USP34: variants seen among roughly 807,000 people sequenced by gnomAD.
USP34 encodes the protein ubiquitin specific peptidase 34, also known as ubiquitin carboxyl-terminal hydrolase 34.
In USP34, 70 loss-of-function variants were observed where a neutral mutation model predicts 460.3. The observed-to-expected ratio is 0.15, with a 90% CI of 0.13 to 0.19. The LOEUF is 0.19. USP34 is among the 10% of genes least tolerant of loss of function. The pLI is 1.00. For missense variants in USP34, 3,985 were observed against 4,236.2 expected (o/e 0.94, Z 1.65); for synonymous variants, 1,647 against 1,405.3 (o/e 1.17, Z -3.85).
At chr2:61,343,117 T>C (rs987285044) in intron 16 of USP34, among the ~76,000 whole-genome samples, 2 of 152,254 alleles carry the variant, frequency 1.3e-5, no homozygotes, top group African/African-American at 4.8e-5. Context: ...TTACTTATAA[T>C]GTACTGGCTA....
chr2:61,433,989 T>G (rs1029671438), intron 1 of USP34, among the ~76,000 whole-genome samples: 5 of 152,106 alleles, frequency 3.3e-5, no homozygotes, highest in Non-Finnish European at 7.4e-5. Flanking sequence ...CAGACCACAC[T>G]TCAAGCCAAA....
chr2:61,269,616 T>C lies in USP34; in HGVS notation c.5434-3449A>G, dbSNP rs143317680. Reference sequence around the variant, plus strand: ...CACAAATTTACAAATTTAAAAAATCTTTGAGGAGACACCTAGGTTTTTCAA... The same window carrying C: ...CACAAATTTACAAATTTAAAAAATCCTTGAGGAGACACCTAGGTTTTTCAA... On this transcript the variant is annotated intron_variant, in intron 41 of 79. Transcript: ENST00000398571. 3.5e-3 allele frequency among the ~76,000 whole-genome samples: 533 copies of C among 152,234 alleles called. 2 individuals are homozygous for C. The highest frequency in any genetic ancestry group is 0.011 in the African/African-American group (440 of 41,544).
intron 16 of USP34, among the ~76,000 whole-genome samples, chr2:61,341,749 G>GTCTT (rs1444711140): frequency 2.8e-5 from 4 of 144,426 alleles, no homozygotes; most frequent in African/African-American, 5.1e-5. Flanking sequence ...CCAGACTCAG[G>GTCTT]TCTTTCTTTT....
At chr2:61,396,634 G>A (rs180945274) in intron 3 of USP34, among the ~76,000 whole-genome samples, 18 of 151,960 alleles carry the variant, frequency 1.2e-4, no homozygotes, top group African/African-American at 3.1e-4. Flanking sequence ...GATTACAGGC[G>A]CCCACCACCA....
intron 29 of USP34, among the ~76,000 whole-genome samples, chr2:61,298,364 CAA>C (rs11417017): frequency 8.3e-5 from 4 of 48,050 alleles, no homozygotes; most frequent in Admixed American, 3.3e-4. Context: ...TACAAAAATA[CAA>C]AAAAAAAAAA....
At chr2:61,273,632 C>T (rs1475960752) in intron 41 of USP34, among the ~76,000 whole-genome samples, 2 of 152,082 alleles carry the variant, frequency 1.3e-5, no homozygotes, top group Non-Finnish European at 2.9e-5. Context: ...GCAGGAGAAT[C>T]GCTTGAACCT....
At position 61,402,243 on chromosome 2, in the gene USP34, G is replaced by A. The variant is rs556609905; in HGVS notation, c.552+3465C>T. Among the ~76,000 whole-genome samples, 28 of 152,220 alleles carry A rather than the reference G, an allele frequency of 1.8e-4. No homozygotes were observed. In the South Asian group the frequency reaches 3.5e-3, roughly 19 times the overall value. On this transcript the variant is annotated intron_variant, in intron 3 of 79. Coordinates refer to ENST00000398571, the MANE Select transcript of USP34 (RefSeq NM_014709.4). ...TATGGTGACCAATGATCACACCACC[G>A]CACTCCAGCCTGGGAGACAGAGCAA... is the stretch of plus-strand genomic sequence containing the variant.
intron 41 of USP34, among the ~76,000 whole-genome samples, chr2:61,271,498 C>T (rs1250963930): frequency 1.3e-5 from 2 of 152,082 alleles, no homozygotes; most frequent in Non-Finnish European, 2.9e-5. Context: ...TGCAATCATC[C>T]ATTTGCTCAA....
At chr2:61,454,238 C>G (rs1485320235) in intron 1 of USP34, among the ~76,000 whole-genome samples, 1 of 152,064 alleles carries the variant, frequency 6.6e-6, no homozygotes, top group Non-Finnish European at 1.5e-5. Flanking sequence ...GATTCTCCTG[C>G]CTCTGCCTCC....
At chr2:61,278,816 C>T (rs369345996) in intron 39 of USP34, among the ~76,000 whole-genome samples, 31 of 151,916 alleles carry the variant, frequency 2.0e-4, no homozygotes, top group South Asian at 6.2e-4. Flanking sequence ...TATTAAGACA[C>T]TGAAGTTTTT....
chr2:61,310,305 A>G (rs993244641), intron 27 of USP34, among the ~76,000 whole-genome samples: 1 of 152,190 alleles, frequency 6.6e-6, no homozygotes, highest in African/African-American at 2.4e-5. Flanking sequence ...TCTCTGTCAC[A>G]TTGTTTGTAA....
At chr2:61,466,204 C>T (rs913522077) in intron 1 of USP34, among the ~76,000 whole-genome samples, 3 of 151,892 alleles carry the variant, frequency 2.0e-5, no homozygotes, top group African/African-American at 7.3e-5. Context: ...GCGGGCAGAT[C>T]ACTTGAGTTC....
chr2:61,234,053 A>C (rs1687995036), intron 57 of USP34, among the ~76,000 whole-genome samples: 3 of 152,174 alleles, frequency 2.0e-5, no homozygotes. Context: ...AGAAAGAAAG[A>C]TTATTATTAT....
At chr2:61,257,903 A>AC (rs1431473286) in intron 44 of USP34, among the ~76,000 whole-genome samples, 1 of 152,198 alleles carries the variant, frequency 6.6e-6, no homozygotes, top group East Asian at 1.9e-4. Flanking sequence ...AACAAAAAAA[A>AC]CACTCACATC....
chr2:61,192,160 G>T (rs1332921042), intron 76 of USP34, among the ~76,000 whole-genome samples: 1 of 152,202 alleles, frequency 6.6e-6, no homozygotes, highest in Non-Finnish European at 1.5e-5. Context: ...TGGGTCAAGG[G>T]TTGCACCTAA....
In USP34 at chr2:61,223,050, TA is replaced by T. The variant is rs754960787; in HGVS notation, c.7749+9del. ...TCCAAAAATCTTTAAGACTGTTCCT[TA>T]GCACTTACATGTTCTGCAAGTCGAT... On this transcript the variant is annotated intron_variant, in intron 64 of 79. Coordinates refer to ENST00000398571, the MANE Select transcript of USP34 (RefSeq NM_014709.4). 1.2e-6 allele frequency: 2 copies of T among 1,606,826 alleles called. No individual in the cohort carries two copies. Among genetic ancestry groups the T allele is most frequent in the South Asian group, 2.2e-5 (2 of 90,188 alleles).
At chr2:61,260,550 C>G (rs1688849265) in intron 43 of USP34, among the ~76,000 whole-genome samples, 1 of 152,172 alleles carries the variant, frequency 6.6e-6, no homozygotes, top group Non-Finnish European at 1.5e-5. Context: ...TAATATGGCT[C>G]TGCTGTTTAG....
chr2:61,418,614 A>G (rs1052568799), intron 2 of USP34, among the ~76,000 whole-genome samples: 2 of 152,188 alleles, frequency 1.3e-5, no homozygotes, highest in Non-Finnish European at 2.9e-5. Context: ...TCCATGCTTT[A>G]TTAGTACCTG....
intron 1 of USP34, among the ~76,000 whole-genome samples, chr2:61,444,909 G>C (rs932929650): frequency 8.8e-6 from 1 of 113,878 alleles, no homozygotes; most frequent in Non-Finnish European, 1.8e-5. Flanking sequence ...ATTAAACTCT[G>C]TTCCTTAACA....
Sources: allele counts gnomAD v4.1 joint callset (sites outside exome capture counted in the v4.1 genomes callset), GRCh38; gene constraint gnomAD v4.1.1; transcripts MANE v1.5; gene names NCBI Gene and HGNC (gene_info 2026-07-23, HGNC 2026-07-21).